The following MCC variants were observed in gnomAD, a reference collection of about 807,000 sequenced individuals.
The protein encoded by MCC is colorectal mutant cancer protein.
In MCC, 90 loss-of-function variants were observed where a neutral mutation model predicts 116.2. That is an observed-to-expected ratio of 0.77 (90% CI 0.65 to 0.92). MCC has a LOEUF of 0.92. Ranked by LOEUF, MCC falls within the 40% of genes least tolerant of loss-of-function variation. The pLI is 0.00. For missense variants in MCC, 1,516 were observed against 1,312.2 expected (o/e 1.16, Z -2.40); for synonymous variants, 578 against 510.5 (o/e 1.13, Z -1.78).
At chr5:113,417,603 T>G (rs1770191599) in intron 1 of MCC, among the ~76,000 whole-genome samples, 1 of 152,174 alleles carries the variant, frequency 6.6e-6, no homozygotes, top group African/African-American at 2.4e-5. Flanking sequence ...TAAAGTGCAT[T>G]TTTCTAGATT....
chr5:113,145,561 C>A (rs935955337), intron 4 of MCC, among the ~76,000 whole-genome samples: 4 of 152,280 alleles, frequency 2.6e-5, no homozygotes, highest in African/African-American at 9.6e-5. Flanking sequence ...TGAAGATGTT[C>A]AAGGGTTTAT....
At chr5:113,214,304 T>G (rs1245431031) in intron 3 of MCC, among the ~76,000 whole-genome samples, 1 of 152,144 alleles carries the variant, frequency 6.6e-6, no homozygotes, top group East Asian at 1.9e-4. Flanking sequence ...GGGGAGACAC[T>G]ACCACATGCT....
chr5:113,100,753 G>A (rs768277772), intron 8 of MCC, among the ~76,000 whole-genome samples: 1 of 152,168 alleles, frequency 6.6e-6, no homozygotes, highest in Non-Finnish European at 1.5e-5. Context: ...TTACAGGCGT[G>A]AGCCACTGTG....
At chr5:113,411,385 G>C (rs973227527) in intron 1 of MCC, among the ~76,000 whole-genome samples, 8 of 152,136 alleles carry the variant, frequency 5.3e-5, no homozygotes, top group Non-Finnish European at 1.0e-4. Flanking sequence ...TCATGTGTCT[G>C]TTGGCTGCAT....
chr5:113,340,620 C>G lies in MCC; in HGVS notation c.526G>C (p.Gly176Arg), dbSNP rs373505262. 3 of 1,613,994 alleles carry G rather than the reference C, an allele frequency of 1.9e-6. No homozygotes were observed. In the African/African-American group the frequency reaches 4.0e-5, roughly 22 times the overall value. Residue 176 changes from glycine to arginine, a missense_variant, in exon 3 of 19, where the codon GGA becomes CGA. Coordinates refer to ENST00000408903, the MANE Select transcript of MCC (RefSeq NM_001085377.2). ...GCAGCCTGCTGATGCAAAGAGCTTC[C>G]GCCATACTCGAGCAGCTTCTGGAGG... ...SALQKLLEYG[G>R]SSLHQQAALH...
chr5:113,363,065 G>C lies in MCC; in HGVS notation c.415+21903C>G, dbSNP rs187044889. ...GAGACAGAGGCGGGCGGATCACAAG[G>C]TCAGGAGATCAAGGCCAGCCTGGCC... On this transcript the variant is annotated intron_variant, in intron 2 of 18. Coordinates refer to ENST00000408903, the MANE Select transcript of MCC (RefSeq NM_001085377.2). 2.1e-3 allele frequency among the ~76,000 whole-genome samples: 313 copies of C among 152,160 alleles called. 1 individual carries two copies. Among genetic ancestry groups the C allele is most frequent in the African/African-American group, 7.2e-3 (301 of 41,524 alleles).
At chr5:113,095,010 G>A (rs1277429686) in intron 8 of MCC, among the ~76,000 whole-genome samples, 1 of 152,174 alleles carries the variant, frequency 6.6e-6, no homozygotes, top group Non-Finnish European at 1.5e-5. Flanking sequence ...CTACAGAGAG[G>A]AGGGGAACAC....
At chr5:113,239,791 G>A (rs533404041) in intron 3 of MCC, among the ~76,000 whole-genome samples, 9 of 148,922 alleles carry the variant, frequency 6.0e-5, no homozygotes, top group South Asian at 2.1e-4. Context: ...GATTTCCCAC[G>A]GTGAACTGGC....
chr5:113,070,198 C>A (rs1020795941), intron 12 of MCC, among the ~76,000 whole-genome samples: 2 of 152,138 alleles, frequency 1.3e-5, no homozygotes, highest in African/African-American at 2.4e-5. Context: ...CCTGAATAAA[C>A]AAGAATGTTT....
intron 1 of MCC, among the ~76,000 whole-genome samples, chr5:113,409,874 G>A (rs1467799316): frequency 6.6e-6 from 1 of 151,998 alleles, no homozygotes; most frequent in Non-Finnish European, 1.5e-5. Flanking sequence ...TAAAACATAT[G>A]CTCACTATAA....
rs1750335467 is a variant in MCC, at chr5:113,023,818, T to TA, written c.*3483dup. ...CTTGAGAGCTATTAAGGTTGACTGA[T>TA]AGACTTAAAAAGTGATTGCTTTATA... On this transcript the variant is annotated 3_prime_UTR_variant, in exon 19 of 19. Transcript: ENST00000408903. The TA allele has an allele frequency of 1.3e-5, 2 of 152,222 alleles. No homozygotes were observed. Among genetic ancestry groups the TA allele is most frequent in the Admixed American group, 1.3e-4 (2 of 15,290 alleles). 9.4% of individuals were successfully genotyped at this position (152,222 alleles called of 1,614,324 possible).
At chr5:113,193,776 G>A (rs1419590304) in intron 3 of MCC, among the ~76,000 whole-genome samples, 1 of 152,070 alleles carries the variant, frequency 6.6e-6, no homozygotes, top group Admixed American at 6.6e-5. Context: ...TTGTTTATGG[G>A]GTCAATTTGT....
chr5:113,119,716 T>C (rs1238492728), intron 6 of MCC, among the ~76,000 whole-genome samples: 1 of 150,878 alleles, frequency 6.6e-6, no homozygotes, highest in African/African-American at 2.5e-5. Flanking sequence ...AAAAAAAAGC[T>C]TCTATGTGTG....
chr5:113,346,894 C>T (rs1374608573), intron 2 of MCC, among the ~76,000 whole-genome samples: 1 of 151,322 alleles, frequency 6.6e-6, no homozygotes, highest in Non-Finnish European at 1.5e-5. Flanking sequence ...TCAGTGTAAA[C>T]CTTACAGGCC....
At chr5:113,266,580 G>C (rs1404965398) in intron 3 of MCC, among the ~76,000 whole-genome samples, 2 of 152,146 alleles carry the variant, frequency 1.3e-5, no homozygotes, top group African/African-American at 2.4e-5. Context: ...CTGTCACCCA[G>C]TCTAGAATGC....
Position 113,068,174 on chromosome 5 carries a change from G to GC in MCC, c.1934dup (p.Cys645TrpfsTer15). The GC allele has an allele frequency of 1.9e-6, 3 of 1,613,704 alleles. No homozygotes were observed. The highest frequency in any genetic ancestry group is 2.5e-6 in the Non-Finnish European group (3 of 1,179,620). On this transcript the variant is annotated frameshift_variant, in exon 13 of 19. Coordinates refer to ENST00000408903, the MANE Select transcript of MCC (RefSeq NM_001085377.2). LOFTEE classifies it high-confidence loss of function. ...CCAGGAGGAGTTCGTAGGCTTCGAT[G>GC]CACTGCTCGCTGAAACAAAGCACAT...
At chr5:113,178,327 A>AG (rs1561431252) in intron 3 of MCC, among the ~76,000 whole-genome samples, 1 of 152,214 alleles carries the variant, frequency 6.6e-6, no homozygotes, top group African/African-American at 2.4e-5. Context: ...CAAGGTGGCT[A>AG]GGGGTCAGAT....
rs1331491584 is a variant in MCC, at chr5:113,434,836, C to A, written c.171-49624G>T. The A allele has an allele frequency of 1.9e-6, 3 of 1,604,970 alleles. No individual in the cohort carries two copies. The highest frequency in any genetic ancestry group is 2.7e-5 in the African/African-American group (2 of 74,686). ...CGTCGCTTGAGGACAGCAGCGTCATCCATGGTGCCAGGAATGCCCAGTGCC... is the reference window on the plus strand; with the variant it reads ...CGTCGCTTGAGGACAGCAGCGTCATACATGGTGCCAGGAATGCCCAGTGCC... On this transcript the variant is annotated intron_variant, in intron 1 of 18. Coordinates refer to ENST00000408903, the MANE Select transcript of MCC (RefSeq NM_001085377.2). The surrounding 1 kb of genome is among the most constrained non-coding windows in gnomAD (Gnocchi z 4.2).
At chr5:113,084,530 G>A (rs994616528) in intron 9 of MCC, among the ~76,000 whole-genome samples, 1 of 152,218 alleles carries the variant, frequency 6.6e-6, no homozygotes, top group Non-Finnish European at 1.5e-5. Flanking sequence ...TCCCCTGGAG[G>A]ATGAAATCAC....
Sources: gnomAD v4.1 joint callset for allele counts (sites outside exome capture counted in the v4.1 genomes callset) on GRCh38, gnomAD v4.1.1 for gene constraint, Gnocchi (gnomAD v3.1) non-coding constraint, MANE v1.5 for transcripts, NCBI Gene and HGNC (gene_info 2026-07-23, HGNC 2026-07-21) for gene names.